SLFN5: variants seen among roughly 807,000 people sequenced by gnomAD.
The protein encoded by SLFN5 is schlafen family member 5.
A neutral mutation model predicts 48.5 loss-of-function variants in SLFN5; 34 were observed. The ratio of observed to expected loss-of-function variants is 0.70; its 90% CI spans 0.53 to 0.93. SLFN5 has a LOEUF of 0.93. Ranked by LOEUF, SLFN5 falls within the 40% of genes least tolerant of loss-of-function variation. The pLI is 0.00. For missense variants in SLFN5, 1,006 were observed against 1,071.3 expected (o/e 0.94, Z 0.85); for synonymous variants, 387 against 396.2 (o/e 0.98, Z 0.28).
intron 1 of SLFN5, among the ~76,000 whole-genome samples, chr17:35,252,533 A>G (rs1391442031): frequency 1.3e-5 from 2 of 152,100 alleles, no homozygotes; most frequent in South Asian, 2.1e-4. Flanking sequence ...GTTCCTCTAT[A>G]GATAATGTGC....
Position 35,266,177 on chromosome 17 carries a change from T to TGTGTGTGTGTGTGCGCGC in SLFN5, c.*290_*291insTGTGTGTGTGTGCGCGCG, listed in dbSNP as rs35160124. The stretch of plus-strand genomic sequence containing the variant: ...GTGTGTGTGTGTGTGTGTGTGTGTG[T>TGTGTGTGTGTGTGCGCGC]GCGCGCGCGCACGTGCACATGTGTG... On this transcript the variant is annotated 3_prime_UTR_variant, in exon 5 of 5. Transcript: ENST00000299977. The TGTGTGTGTGTGTGCGCGC allele has an allele frequency of 1.4e-3, 246 of 173,404 alleles. No individual in the cohort carries two copies. The highest frequency in any genetic ancestry group is 1.8e-3 in the Non-Finnish European group (157 of 85,160). 10.7% of individuals were successfully genotyped at this position (173,404 alleles called of 1,614,324 possible). A position where few individuals can be genotyped will look rare whatever the true frequency, so the allele number is the denominator to read the frequency against.
chr17:35,273,139 C>T lies in SLFN5; in HGVS notation c.*7251C>T, dbSNP rs912589031. 2 of 152,112 alleles carry T rather than the reference C, an allele frequency of 1.3e-5. No individual in the cohort carries two copies. The highest frequency in any genetic ancestry group is 4.8e-5 in the African/African-American group (2 of 41,430). The allele number at this position is 152,112 out of a possible 1,614,324, so 9.4% of individuals were successfully genotyped here. On this transcript the variant is annotated 3_prime_UTR_variant, in exon 5 of 5. Transcript: ENST00000299977. ...CTATGAAGCCATAAAAAAGAGAGAT[C>T]TCTATATGTATTGATGGGGGACCAT...
intron 3 of SLFN5, among the ~76,000 whole-genome samples, chr17:35,262,815 G>T (rs1171971294): frequency 2.6e-5 from 4 of 152,126 alleles, no homozygotes; most frequent in African/African-American, 9.7e-5. Context: ...AGTGAGCCAT[G>T]ATCATACCAT....
chr17:35,255,380 T>A (rs1490244062), intron 1 of SLFN5, among the ~76,000 whole-genome samples: 1 of 152,252 alleles, frequency 6.6e-6, no homozygotes, highest in Non-Finnish European at 1.5e-5. Context: ...GGGAAAAATG[T>A]AAGTTGAAAT....
chr17:35,251,870 C>T (rs965159533), intron 1 of SLFN5, among the ~76,000 whole-genome samples: 23 of 151,952 alleles, frequency 1.5e-4, no homozygotes, highest in Middle Eastern at 3.2e-3. Context: ...CACACCACCA[C>T]GCCCTGCTAA....
chr17:35,259,832 C>T, intron 2 of SLFN5, 130 bp downstream of exon 2: 1 of 1,072,192 alleles, frequency 9.3e-7, no homozygotes, highest in Non-Finnish European at 1.3e-6. Flanking sequence ...TTGCAATTGT[C>T]TGACTTATTA....
At chr17:35,251,906 G>A (rs554041089) in intron 1 of SLFN5, among the ~76,000 whole-genome samples, 17 of 152,040 alleles carry the variant, frequency 1.1e-4, no homozygotes, top group Admixed American at 2.6e-4. Context: ...TAGAAACAGG[G>A]TTTCACCATG....
At chr17:35,255,088 A>G (rs887343453) in intron 1 of SLFN5, among the ~76,000 whole-genome samples, 4 of 152,194 alleles carry the variant, frequency 2.6e-5, no homozygotes, top group Non-Finnish European at 5.9e-5. Context: ...TCAATAATCT[A>G]TGAGGGGTGA....
intron 3 of SLFN5, among the ~76,000 whole-genome samples, chr17:35,262,070 G>T (rs1904536778): frequency 6.6e-6 from 1 of 151,830 alleles, no homozygotes. Context: ...TATACCTGAG[G>T]TGTTCTTTAA....
rs1360951698 is a variant in SLFN5, at chr17:35,271,175, C to G, written c.*5287C>G. ...AATAAATAGATTTTCTGACTTGGAA[C>G]AAGTAGGAATAATGTACTTATAGTA... On this transcript the variant is annotated 3_prime_UTR_variant, in exon 5 of 5. Transcript: ENST00000299977. 2 of 152,096 alleles carry G rather than the reference C, an allele frequency of 1.3e-5. No homozygotes were observed. The highest frequency in any genetic ancestry group is 2.9e-5 in the Non-Finnish European group (2 of 68,036). 9.4% of individuals were successfully genotyped at this position (152,096 alleles called of 1,614,324 possible).
chr17:35,253,546 T>G (rs2142691997), intron 1 of SLFN5, among the ~76,000 whole-genome samples: 1 of 151,836 alleles, frequency 6.6e-6, no homozygotes, highest in East Asian at 1.9e-4. Context: ...GTTTTGGTTT[T>G]TGAAGAGATA....
chr17:35,272,341 C>T lies in SLFN5; in HGVS notation c.*6453C>T, dbSNP rs1444417266. The T allele has an allele frequency of 6.6e-6, 1 of 152,010 alleles. No individual in the cohort carries two copies. Among genetic ancestry groups the T allele is most frequent in the Non-Finnish European group, 1.5e-5 (1 of 68,018 alleles). The allele number at this position is 152,010 out of a possible 1,614,324, so 9.4% of individuals were successfully genotyped here. On this transcript the variant is annotated 3_prime_UTR_variant, in exon 5 of 5. Coordinates refer to ENST00000299977, the MANE Select transcript of SLFN5 (RefSeq NM_144975.4). ...CAATATATGATGAACAACTCTGTCACCCAGCTAAAAAAAATTAAGCTTGGG... is the reference window on the plus strand; with the variant it reads ...CAATATATGATGAACAACTCTGTCATCCAGCTAAAAAAAATTAAGCTTGGG...
In SLFN5 at chr17:35,264,842, C is replaced by T. The variant is rs375618009; in HGVS notation, c.1798C>T (p.His600Tyr). The part of the protein sequence containing the change: ...RIMEKIRNVF[H>Y]CEPANILYIC... The stretch of plus-strand genomic sequence containing the variant: ...CATGGAGAAGATCAGGAATGTGTTT[C>T]ACTGTGAACCGGCTAACATTCTCTA... Residue 600 changes from histidine (H) to tyrosine (Y), a missense_variant, in exon 4 of 5, where the codon CAC becomes TAC. By Grantham distance (83) the His-to-Tyr change is moderately conservative. Coordinates refer to ENST00000299977, the MANE Select transcript of SLFN5 (RefSeq NM_144975.4). 6.3e-7 allele frequency: 1 copy of T among 1,593,976 alleles called. No homozygotes were observed. Among genetic ancestry groups the T allele is most frequent in the Non-Finnish European group, 8.5e-7 (1 of 1,172,638 alleles).
At chr17:35,243,745 C>T (rs2092424426) in intron 1 of SLFN5, among the ~76,000 whole-genome samples, 1 of 152,212 alleles carries the variant, frequency 6.6e-6, no homozygotes, top group Non-Finnish European at 1.5e-5. Flanking sequence ...CGGTGTGATT[C>T]CGTTTCCCTC....
At position 35,265,511 on chromosome 17, in the gene SLFN5, G is replaced by A. The variant is rs751544102; in HGVS notation, c.2299G>A (p.Glu767Lys). Residue 767 changes from glutamate to lysine, a missense_variant, in exon 5 of 5, where the codon GAG becomes AAG. Coordinates refer to ENST00000299977, the MANE Select transcript of SLFN5 (RefSeq NM_144975.4). ...AGAGATTATTGAAGACTTGAACTTGGAGGAGATACTGATCTATGTAGCGAA... is the reference window on the plus strand; with the variant it reads ...AGAGATTATTGAAGACTTGAACTTGAAGGAGATACTGATCTATGTAGCGAA... ...NLEIIEDLNL[E>K]EILIYVANKC... 1.9e-6 allele frequency: 3 copies of A among 1,614,258 alleles called. No individual in the cohort carries two copies. The highest frequency in any genetic ancestry group is 2.5e-6 in the Non-Finnish European group (3 of 1,180,054).
Position 35,265,433 on chromosome 17 carries a change from T to G in SLFN5, c.2221T>G (p.Ser741Ala). The G allele has an allele frequency of 6.2e-7, 1 of 1,614,176 alleles. No individual in the cohort carries two copies. The highest frequency in any genetic ancestry group is 8.5e-7 in the Non-Finnish European group (1 of 1,180,024). Residue 741 changes from serine (S) to alanine (A), a missense_variant, in exon 5 of 5, where the codon TCC (serine) becomes GCC (alanine). By Grantham distance (99) the Ser-to-Ala change is moderately conservative. Coordinates refer to ENST00000299977, the MANE Select transcript of SLFN5 (RefSeq NM_144975.4). ...TCCTCCACCTAACCTCCCCCCTGGG[T>G]CCCTGGTGATGCTCTATGAACCTAA... ...QNPPPNLPPG[S>A]LVMLYEPKWA... is the part of the protein sequence containing the mutation.
intron 1 of SLFN5, among the ~76,000 whole-genome samples, chr17:35,252,773 G>A (rs1046078846): frequency 1.3e-5 from 2 of 151,944 alleles, no homozygotes; most frequent in African/African-American, 4.8e-5. Flanking sequence ...TATTCTGACT[G>A]GAAGTGAAAG....
chr17:35,249,665 T>A (rs990005366), intron 1 of SLFN5, among the ~76,000 whole-genome samples: 1 of 152,228 alleles, frequency 6.6e-6, no homozygotes, highest in Non-Finnish European at 1.5e-5. Flanking sequence ...CTGAAAAACA[T>A]TCCTTCCTCC....
chr17:35,245,320 G>A (rs1000812635), intron 1 of SLFN5, among the ~76,000 whole-genome samples: 2 of 152,198 alleles, frequency 1.3e-5, no homozygotes, highest in Non-Finnish European at 2.9e-5. Context: ...TAGCATATAC[G>A]GGGTGAGTAC....
Sources: gnomAD v4.1 joint callset for allele counts (sites outside exome capture counted in the v4.1 genomes callset) on GRCh38, gnomAD v4.1.1 for gene constraint, MANE v1.5 for transcripts, NCBI Gene and HGNC (gene_info 2026-07-23, HGNC 2026-07-21) for gene names.